The following ASTN2 variants were observed in gnomAD, a reference collection of about 807,000 sequenced individuals.
ASTN2 encodes the protein astrotactin-2.
In ASTN2, 54 loss-of-function variants were observed where a neutral mutation model predicts 139.8. The observed-to-expected ratio is 0.39, with a 90% CI of 0.31 to 0.48. ASTN2 has a LOEUF of 0.48. ASTN2 is among the 20% of genes least tolerant of loss of function. The pLI is 0.95. For synonymous variants in ASTN2, 756 were observed against 719.5 expected (o/e 1.05, Z -0.81); for missense variants, 1,565 against 1,725.1 (o/e 0.91, Z 1.64).
intron 13 of ASTN2, among the ~76,000 whole-genome samples, chr9:116,789,852 T>C (rs142413011): frequency 1.4e-3 from 209 of 152,016 alleles, no homozygotes; most frequent in African/African-American, 4.8e-3. Flanking sequence ...CCTGGATTCA[T>C]GTTGAGGAAA....
At chr9:116,659,497 A>C (rs1211634445) in intron 16 of ASTN2, among the ~76,000 whole-genome samples, 4 of 152,168 alleles carry the variant, frequency 2.6e-5, no homozygotes, top group Non-Finnish European at 5.9e-5. Flanking sequence ...AGATCAGAGA[A>C]GTAAAGTAAC....
intron 1 of ASTN2, among the ~76,000 whole-genome samples, chr9:117,335,717 A>G (rs960428299): frequency 2.6e-5 from 4 of 152,122 alleles, no homozygotes; most frequent in African/African-American, 9.7e-5. Context: ...ATAAAATCCT[A>G]GTGCCACAGG....
At chr9:116,919,593 T>C (rs560751821) in intron 10 of ASTN2, among the ~76,000 whole-genome samples, 19 of 151,860 alleles carry the variant, frequency 1.3e-4, no homozygotes, top group African/African-American at 4.6e-4. Context: ...CCTCCTCTGA[T>C]GACCACAGAA....
intron 5 of ASTN2, among the ~76,000 whole-genome samples, chr9:117,079,448 C>T (rs1488889834): frequency 6.6e-6 from 1 of 152,038 alleles, no homozygotes; most frequent in Non-Finnish European, 1.5e-5. Context: ...GACTGAGGTC[C>T]AAAGTTAGGT....
chr9:117,353,134 A>G (rs1829436216), intron 1 of ASTN2, among the ~76,000 whole-genome samples: 1 of 152,136 alleles, frequency 6.6e-6, no homozygotes, highest in Admixed American at 6.6e-5. Flanking sequence ...ATGCTGCTAA[A>G]TTGTACACTT....
intron 19 of ASTN2, among the ~76,000 whole-genome samples, chr9:116,516,782 AGAGT>A (rs2119214131): frequency 6.6e-6 from 1 of 152,316 alleles, no homozygotes; most frequent in East Asian, 1.9e-4. Context: ...GGCCATAGTG[AGAGT>A]GAGACTGGCT....
intron 2 of ASTN2, among the ~76,000 whole-genome samples, chr9:117,280,411 T>C (rs1048880115): frequency 1.3e-5 from 2 of 152,108 alleles, no homozygotes; most frequent in African/African-American, 4.8e-5. Flanking sequence ...GCAGATGTAA[T>C]TGAGTAAAAA....
chr9:116,764,055 T>G (rs962831709), intron 13 of ASTN2, among the ~76,000 whole-genome samples: 1 of 152,188 alleles, frequency 6.6e-6, no homozygotes, highest in Non-Finnish European at 1.5e-5. Context: ...ACTCCTATGA[T>G]ATAAGGTGCA....
At chr9:117,367,867 G>C (rs961371849) in intron 1 of ASTN2, among the ~76,000 whole-genome samples, 4 of 152,102 alleles carry the variant, frequency 2.6e-5, no homozygotes, top group Non-Finnish European at 4.4e-5. Flanking sequence ...CTTTAGGTCA[G>C]CCCCTGTTCA....
At chr9:117,007,983 C>T in intron 7 of ASTN2, 109 bp downstream of exon 7, 2 of 1,234,480 alleles carry the variant, frequency 1.6e-6, no homozygotes, top group Non-Finnish European at 2.2e-6. Flanking sequence ...CTTATTCAGC[C>T]ACTTGTCAAT....
chr9:116,902,453 A>G (rs750387300), intron 10 of ASTN2, among the ~76,000 whole-genome samples: 8 of 152,204 alleles, frequency 5.3e-5, no homozygotes, highest in Non-Finnish European at 8.8e-5. Flanking sequence ...TAAAAAATAT[A>G]CCATATTTTG....
At chr9:117,306,967 C>T (rs190578219) in intron 1 of ASTN2, among the ~76,000 whole-genome samples, 1 of 152,264 alleles carries the variant, frequency 6.6e-6, no homozygotes, top group Admixed American at 6.5e-5. Flanking sequence ...GGGAATCAGG[C>T]TGTTTACTGG....
At chr9:116,614,447 G>A (rs1855728872) in intron 19 of ASTN2, among the ~76,000 whole-genome samples, 1 of 152,092 alleles carries the variant, frequency 6.6e-6, no homozygotes, top group Non-Finnish European at 1.5e-5. Context: ...AAAGCTGGAG[G>A]CATCACACTA....
At chr9:117,265,605 C>A (rs1833922901) in intron 2 of ASTN2, among the ~76,000 whole-genome samples, 1 of 152,188 alleles carries the variant, frequency 6.6e-6, no homozygotes, top group African/African-American at 2.4e-5. Flanking sequence ...GAGACAGAAT[C>A]TCCAATCCGG....
intron 17 of ASTN2, among the ~76,000 whole-genome samples, chr9:116,634,236 T>C (rs989573091): frequency 6.6e-5 from 10 of 152,160 alleles, no homozygotes; most frequent in Non-Finnish European, 1.3e-4. Flanking sequence ...ACTTGATAAT[T>C]AAACAAATAT....
intron 3 of ASTN2, among the ~76,000 whole-genome samples, chr9:117,170,776 T>G (rs915615714): frequency 6.6e-6 from 1 of 152,012 alleles, no homozygotes; most frequent in African/African-American, 2.4e-5. Flanking sequence ...CCATTTCTCA[T>G]TTTAGTCTTC....
chr9:117,140,458 A>G (rs1588007354), intron 4 of ASTN2, among the ~76,000 whole-genome samples: 1 of 152,180 alleles, frequency 6.6e-6, no homozygotes, highest in East Asian at 1.9e-4. Flanking sequence ...GTAGATAGAA[A>G]AAAAAATGGT....
At chr9:116,942,957 T>C (rs1022576679) in intron 10 of ASTN2, among the ~76,000 whole-genome samples, 1 of 152,224 alleles carries the variant, frequency 6.6e-6, no homozygotes, top group Non-Finnish European at 1.5e-5. Context: ...TTTCACATCC[T>C]CTTCTGGATG....
At chr9:116,931,929 T>C (rs1834908984) in intron 10 of ASTN2, among the ~76,000 whole-genome samples, 1 of 151,964 alleles carries the variant, frequency 6.6e-6, no homozygotes. Context: ...GCAGTGGCAA[T>C]AGCAATCACA....
Sources: allele counts gnomAD v4.1 joint callset (sites outside exome capture counted in the v4.1 genomes callset), GRCh38; gene constraint gnomAD v4.1.1; transcripts MANE v1.5; gene names NCBI Gene and HGNC (gene_info 2026-07-23, HGNC 2026-07-21).